KLC4: variants seen among roughly 807,000 people sequenced by gnomAD.
KLC4 encodes the protein kinesin light chain 4.
In KLC4, 49 loss-of-function variants were observed where a neutral mutation model predicts 77.2. The ratio of observed to expected loss-of-function variants is 0.63; its 90% CI spans 0.50 to 0.80. The LOEUF (loss-of-function observed/expected upper bound fraction) is 0.80. KLC4 is among the 30% of genes least tolerant of loss of function. The probability of loss-of-function intolerance (pLI) is 0.00; values close to 1 mark genes in which losing one functional copy is unlikely to be tolerated. For missense variants in KLC4, 669 were observed against 793.5 expected, an observed-to-expected ratio of 0.84 and a Z score of 1.89; for synonymous variants, 274 against 314.5, an observed-to-expected ratio of 0.87 and a Z score of 1.36.
chr6:43,059,742 C>T, intron 1 of KLC4, 57 bp downstream of exon 1: 1 of 1,227,342 alleles, frequency 8.1e-7, no homozygotes, highest in South Asian at 2.5e-5. Context: ...ATCTCTTATT[C>T]TCGCACTACC....
In KLC4 at chr6:43,063,154, G is replaced by A. The variant is rs1765251669; in HGVS notation, c.489+7G>A. 1 of 1,603,466 alleles carries A rather than the reference G, an allele frequency of 6.2e-7. No homozygotes were observed. Among genetic ancestry groups the A allele is most frequent in the Non-Finnish European group, 8.5e-7 (1 of 1,171,514 alleles). ...TGAGGATGGACATACCTCGGTGAGTGTGCACAGGCGAGACTGGCTGAGGGG... is the reference window on the plus strand; with the variant it reads ...TGAGGATGGACATACCTCGGTGAGTATGCACAGGCGAGACTGGCTGAGGGG... On this transcript the variant is annotated splice_region_variant and intron_variant, in intron 3 of 15. Coordinates refer to ENST00000347162, the MANE Select transcript of KLC4 (RefSeq NM_201521.3).
intron 4 of KLC4, 141 bp from the exon 5 acceptor site, chr6:43,066,165 A>G: frequency 1.4e-6 from 1 of 708,826 alleles, no homozygotes; most frequent in South Asian, 1.7e-5. Flanking sequence ...GGATAAAAGA[A>G]TAGCACTTGA....
rs1329355102 is a variant in KLC4 at position 43,074,708 on chromosome 6, C to T, written c.*36C>T. The T allele has an allele frequency of 5.1e-6, 8 of 1,571,466 alleles. No individual in the cohort carries two copies. The highest frequency in any genetic ancestry group is 7.0e-6 in the Non-Finnish European group (8 of 1,141,088). On this transcript the variant is annotated 3_prime_UTR_variant, in exon 16 of 16. Coordinates refer to ENST00000347162, the MANE Select transcript of KLC4 (RefSeq NM_201521.3). Reference sequence around the variant, plus strand: ...GGCCCCCAGGTCTGCTGGGTCCCCCCACCCCCACAGCCCTCACAGCATTCC... The same window carrying T: ...GGCCCCCAGGTCTGCTGGGTCCCCCTACCCCCACAGCCCTCACAGCATTCC...
intron 6 of KLC4, among the ~76,000 whole-genome samples, chr6:43,069,236 G>GTTTTT (rs530699485): frequency 2.1e-5 from 3 of 145,358 alleles, no homozygotes; most frequent in Non-Finnish European, 4.7e-5. Context: ...AAGTTTGTTT[G>GTTTTT]TTTTGTTTTG....
intron 3 of KLC4, among the ~76,000 whole-genome samples, chr6:43,064,777 T>C (rs1352486085): frequency 6.6e-6 from 1 of 151,832 alleles, no homozygotes; most frequent in Non-Finnish European, 1.5e-5. Context: ...GGTAGGAGGG[T>C]TGGTGTTTGG....
At chr6:43,070,116 GA>G (rs1045031740) in intron 6 of KLC4, among the ~76,000 whole-genome samples, 1,305 of 129,296 alleles carry the variant, frequency 0.01, 11 homozygotes, top group Admixed American at 0.015. Flanking sequence ...AAAAAAGAAA[GA>G]AAAAAAACAC....
intron 4 of KLC4, 108 bp downstream of exon 4, chr6:43,065,809 A>T (rs529010461): frequency 1.3e-6 from 1 of 742,712 alleles, no homozygotes; most frequent in African/African-American, 1.7e-5. Flanking sequence ...TAGGTTCTCC[A>T]CTTTCTCTGG....
Position 43,072,223 on chromosome 6 carries a change from C to T in KLC4, c.1456C>T (p.Leu486=). The T allele has an allele frequency of 6.2e-7, 1 of 1,614,120 alleles. No homozygotes were observed. The highest frequency in any genetic ancestry group is 8.5e-7 in the Non-Finnish European group (1 of 1,180,002). The change falls in exon 12 of 16, where the codon CTG becomes TTG. Residue 486 remains leucine (L), a synonymous_variant. Coordinates refer to ENST00000347162, the MANE Select transcript of KLC4 (RefSeq NM_201521.3). The part of the protein sequence containing the change: ...RQGKLEAAET[L]EECALRSRRQ... ...GGGAAAGCTGGAGGCTGCTGAGACC[C>T]TGGAGGAATGTGCCCTGCGGTCCCG...
rs764522042 is a variant in KLC4, at chr6:43,065,612, C to T, written c.490-8C>T. On this transcript the variant is annotated splice_region_variant and splice_polypyrimidine_tract_variant and intron_variant, in intron 3 of 15. Coordinates refer to ENST00000347162, the MANE Select transcript of KLC4 (RefSeq NM_201521.3). The stretch of plus-strand genomic sequence containing the variant: ...CTTGGCCCTTATATGTTGCTTCTTC[C>T]CTTCCAGGAGGAGAAAGAAGGCGAT... The T allele has an allele frequency of 3.7e-6, 6 of 1,610,332 alleles. No homozygotes were observed. The East Asian group carries it at 1.3e-4, about 36-fold the overall frequency.
chr6:43,059,872 C>T, intron 1 of KLC4, 187 bp downstream of exon 1: 1 of 1,210,502 alleles, frequency 8.3e-7, no homozygotes, highest in South Asian at 2.1e-5. Flanking sequence ...ACCTGCCCCG[C>T]CCCCTGCGCC....
In KLC4 at chr6:43,072,944, G is replaced by A. The variant is rs759833281; in HGVS notation, c.1609G>A (p.Val537Met). The change falls in exon 13 of 16, where the codon GTG becomes ATG. Residue 537 changes from valine (V) to methionine (M), a missense_variant. Transcript: ENST00000347162. ...ATTCGAGGGAGGTGAAGATGCTTCT[G>A]TGGCTGTGGAGTGGTCCGGGGTAAG... The part of the protein sequence containing the change: ...VKFEGGEDAS[V>M]AVEWSGDGSG... The A allele has an allele frequency of 3.1e-6, 5 of 1,608,100 alleles. No individual in the cohort carries two copies. In the South Asian group the frequency reaches 5.6e-5, roughly 18 times the overall value.
rs1272068459 is a variant in KLC4, at chr6:43,071,222, A to G, written c.1156-53A>G. ...GTCTAAAAAAAAAAAAAAAAAAAAG[A>G]CCTTGCCTCCCTCCATGTTTTGTTC... On this transcript the variant is annotated intron_variant, in intron 8 of 15. Coordinates refer to ENST00000347162, the MANE Select transcript of KLC4 (RefSeq NM_201521.3). 8.2e-6 allele frequency: 8 copies of G among 976,574 alleles called. No individual in the cohort carries two copies. The Admixed American group carries it at 1.7e-4, about 21-fold the overall frequency. 60.5% of individuals were successfully genotyped at this position (976,574 alleles called of 1,614,324 possible). A position where few individuals can be genotyped will look rare whatever the true frequency, so the allele number is the denominator to read the frequency against.
intron 3 of KLC4, among the ~76,000 whole-genome samples, chr6:43,064,033 T>C (rs1187902187): frequency 2.0e-5 from 3 of 151,994 alleles, no homozygotes; most frequent in Non-Finnish European, 4.4e-5. Flanking sequence ...GATGGAGCTT[T>C]GCCATGTTGA....
At position 43,073,133 on chromosome 6, in the gene KLC4, G is replaced by C. The variant is rs563996407; in HGVS notation, c.1630-90G>C. 4.5e-6 allele frequency: 6 copies of C among 1,327,284 alleles called. No individual in the cohort carries two copies. The African/African-American group carries it at 8.7e-5, about 19-fold the overall frequency. 82.2% of individuals were successfully genotyped at this position (1,327,284 alleles called of 1,614,324 possible). On this transcript the variant is annotated intron_variant, in intron 13 of 15. Coordinates refer to ENST00000347162, the MANE Select transcript of KLC4 (RefSeq NM_201521.3). ...CCAGTCACTGGGCCTTGGGGGTGGG[G>C]GATGTGTGCAGAATAAATGCTAGGA...
At chr6:43,061,669 C>G (rs1765171411) in intron 2 of KLC4, 76 bp downstream of exon 2, 3 of 1,417,594 alleles carry the variant, frequency 2.1e-6, no homozygotes, top group African/African-American at 2.8e-5. Flanking sequence ...TTTGGGGCTG[C>G]TTGGGATCAC....
chr6:43,073,836 G>A (rs1422943463), intron 14 of KLC4, 66 bp from the exon 15 acceptor site: 1 of 1,427,464 alleles, frequency 7.0e-7, no homozygotes, highest in African/African-American at 1.4e-5. Context: ...TGCTCAAGAG[G>A]CCCACAGCCT....
intron 6 of KLC4, 68 bp from the exon 7 acceptor site, chr6:43,070,286 G>T: frequency 9.5e-7 from 1 of 1,054,372 alleles, no homozygotes; most frequent in South Asian, 1.3e-5. Context: ...CTGGGAGGTG[G>T]GGAACCTCAG....
chr6:43,063,743 G>A (rs1301324879), intron 3 of KLC4, among the ~76,000 whole-genome samples: 1 of 150,728 alleles, frequency 6.6e-6, no homozygotes, highest in African/African-American at 2.4e-5. Flanking sequence ...TACTAGAGAC[G>A]GGGTTTCACC....
intron 11 of KLC4, 77 bp downstream of exon 11, chr6:43,071,999 T>C: frequency 6.8e-7 from 1 of 1,463,846 alleles, no homozygotes; most frequent in East Asian, 2.3e-5. Context: ...CCAGACCTTT[T>C]CCCTTCCTCC....
Sources: gnomAD v4.1 joint callset for allele counts (sites outside exome capture counted in the v4.1 genomes callset) on GRCh38, gnomAD v4.1.1 for gene constraint, MANE v1.5 for transcripts, NCBI Gene and HGNC (gene_info 2026-07-23, HGNC 2026-07-21) for gene names.